SLC39A9: variants seen among roughly 807,000 people sequenced by gnomAD.
SLC39A9 encodes the protein zinc transporter ZIP9.
A neutral mutation model predicts 28.4 loss-of-function variants in SLC39A9; 14 were observed. The observed-to-expected ratio is 0.49, with a 90% CI of 0.33 to 0.77. The LOEUF is 0.77. SLC39A9 is among the 30% of genes least tolerant of loss of function. The pLI is 0.02. For synonymous variants in SLC39A9, 119 were observed against 149.6 expected (o/e 0.80, Z 1.49); for missense variants, 283 against 381.1 (o/e 0.74, Z 2.14).
chr14:69,432,660 C>T (rs562614164), intron 2 of SLC39A9, among the ~76,000 whole-genome samples: 1 of 152,214 alleles, frequency 6.6e-6, no homozygotes, highest in East Asian at 1.9e-4. Flanking sequence ...AGGTTTTCTT[C>T]TAGGATTCTT....
At chr14:69,420,031 C>T (rs547636910) in intron 1 of SLC39A9, among the ~76,000 whole-genome samples, 1 of 152,262 alleles carries the variant, frequency 6.6e-6, no homozygotes, top group African/African-American at 2.4e-5. Flanking sequence ...TGAATTTGAT[C>T]CTGTCATTAT....
intron 1 of SLC39A9, among the ~76,000 whole-genome samples, chr14:69,401,883 CTAGGAACTAAACATAT>C (rs770219392): frequency 1.1e-4 from 17 of 152,110 alleles, no homozygotes; most frequent in Non-Finnish European, 2.2e-4. Flanking sequence ...TTTCTATCTC[CTAGGAACTAAACATAT>C]TTTCTAGGTA....
At chr14:69,413,760 A>G (rs78219147) in intron 1 of SLC39A9, among the ~76,000 whole-genome samples, 1 of 152,246 alleles carries the variant, frequency 6.6e-6, no homozygotes, top group Admixed American at 6.5e-5. Flanking sequence ...GTATTATGCT[A>G]TGCAGTGAGC....
At chr14:69,431,850 A>G (rs1181180475) in intron 2 of SLC39A9, among the ~76,000 whole-genome samples, 1 of 152,152 alleles carries the variant, frequency 6.6e-6, no homozygotes, top group Non-Finnish European at 1.5e-5. Flanking sequence ...ACTTAGGATA[A>G]TAGCATCCAG....
chr14:69,433,062 C>T lies in SLC39A9; in HGVS notation c.205+8860C>T, dbSNP rs1594930246. Among the ~76,000 whole-genome samples the T allele has an allele frequency of 3.9e-5, 6 of 152,038 alleles. No homozygotes were observed. In the South Asian group the frequency reaches 1.2e-3, roughly 32 times the overall value. The stretch of plus-strand genomic sequence containing the variant: ...AATTTTAGAATAGTTTTTTTTAGTT[C>T]TGTAAAAAATGATGTTGGTAGTTTG... On this transcript the variant is annotated intron_variant, in intron 2 of 6. Transcript: ENST00000336643.
rs148631512 is a variant in SLC39A9 at position 69,417,455 on chromosome 14, A to G, written c.97-6639A>G. ...TGCTTAGGATTGTCTTGGCAATGCG[A>G]CCTGTTTTTTGGTTCTATATGAACT... is the stretch of plus-strand genomic sequence containing the variant. On this transcript the variant is annotated intron_variant, in intron 1 of 6. Transcript: ENST00000336643. Among the ~76,000 whole-genome samples, 447 of 152,190 alleles carry G rather than the reference A, an allele frequency of 2.9e-3. 3 individuals carry two copies. Among genetic ancestry groups the G allele is most frequent in the African/African-American group, 0.01 (435 of 41,544 alleles).
intron 1 of SLC39A9, among the ~76,000 whole-genome samples, chr14:69,403,243 T>C (rs1476544820): frequency 6.6e-6 from 1 of 152,248 alleles, no homozygotes; most frequent in Non-Finnish European, 1.5e-5. Context: ...TAGTTTTCTT[T>C]GGCTCTAAAT....
At chr14:69,404,829 CTTTCGTGT>C (rs1882827291) in intron 1 of SLC39A9, among the ~76,000 whole-genome samples, 1 of 152,056 alleles carries the variant, frequency 6.6e-6, no homozygotes. Context: ...TTGTTTTGTT[CTTTCGTGT>C]TTTAAAGTTT....
At chr14:69,457,799 A>T (rs1885937734) in intron 6 of SLC39A9, among the ~76,000 whole-genome samples, 1 of 152,130 alleles carries the variant, frequency 6.6e-6, no homozygotes, top group African/African-American at 2.4e-5. Flanking sequence ...AGACAGGAGG[A>T]TTGCTTGAGC....
chr14:69,444,803 A>G lies in SLC39A9; in HGVS notation c.403+2537A>G, dbSNP rs138802534. Among the ~76,000 whole-genome samples, 1,167 of 152,278 alleles carry G rather than the reference A, an allele frequency of 7.7e-3. 60 individuals carry two copies. The highest frequency in any genetic ancestry group is 0.072 in the Admixed American group (1,108 of 15,290). On this transcript the variant is annotated intron_variant, in intron 3 of 6. Coordinates refer to ENST00000336643, the MANE Select transcript of SLC39A9 (RefSeq NM_018375.5). ...ACATAATGGAGTACTATGTAGCTGTAGAAAAGAATAAAGATTCAGGCAGAG... is the reference window on the plus strand; with the variant it reads ...ACATAATGGAGTACTATGTAGCTGTGGAAAAGAATAAAGATTCAGGCAGAG...
chr14:69,425,413 T>C (rs1327950988), intron 2 of SLC39A9, among the ~76,000 whole-genome samples: 2 of 152,188 alleles, frequency 1.3e-5, no homozygotes, highest in Admixed American at 6.5e-5. Flanking sequence ...AGTTGTTTTC[T>C]AAAGTTGTCT....
chr14:69,414,776 A>G (rs961641865), intron 1 of SLC39A9, among the ~76,000 whole-genome samples: 2 of 152,248 alleles, frequency 1.3e-5, no homozygotes, highest in Non-Finnish European at 2.9e-5. Flanking sequence ...GCCACTTTCC[A>G]GTGAATCCCC....
intron 3 of SLC39A9, 143 bp downstream of exon 3, chr14:69,442,409 T>C (rs1294153701): frequency 1.3e-6 from 1 of 771,644 alleles, no homozygotes; most frequent in Non-Finnish European, 2.1e-6. Flanking sequence ...AACATTTAAC[T>C]AAGTGGGGAG....
intron 6 of SLC39A9, among the ~76,000 whole-genome samples, chr14:69,456,644 C>T (rs1033212693): frequency 6.6e-6 from 1 of 152,210 alleles, no homozygotes; most frequent in Non-Finnish European, 1.5e-5. Flanking sequence ...TGAGCAACAA[C>T]CCTCCGCATT....
intron 2 of SLC39A9, among the ~76,000 whole-genome samples, chr14:69,440,311 C>T (rs1422885583): frequency 5.9e-5 from 9 of 151,934 alleles, no homozygotes; most frequent in Non-Finnish European, 8.8e-5. Flanking sequence ...GTGTCAGGCA[C>T]GGTGGCTCAA....
intron 1 of SLC39A9, among the ~76,000 whole-genome samples, chr14:69,400,547 A>G (rs1488605354): frequency 6.6e-6 from 1 of 152,252 alleles, no homozygotes; most frequent in Non-Finnish European, 1.5e-5. Flanking sequence ...CAGCAGTAAA[A>G]TAGGCCCTAG....
intron 1 of SLC39A9, among the ~76,000 whole-genome samples, chr14:69,415,190 T>C (rs543443192): frequency 5.6e-4 from 86 of 152,356 alleles, no homozygotes; most frequent in African/African-American, 2.0e-3. Context: ...CTAGTTTAAC[T>C]TTATAAGGGA....
chr14:69,421,813 G>A (rs759074508), intron 1 of SLC39A9, among the ~76,000 whole-genome samples: 1 of 152,200 alleles, frequency 6.6e-6, no homozygotes, highest in Non-Finnish European at 1.5e-5. Flanking sequence ...GCTAAGCAAG[G>A]AGCGGGATAT....
chr14:69,410,128 T>C (rs987517910), intron 1 of SLC39A9, among the ~76,000 whole-genome samples: 1 of 152,218 alleles, frequency 6.6e-6, no homozygotes, highest in Non-Finnish European at 1.5e-5. Context: ...CTTTTATGTT[T>C]AGAAAGGAAT....
Sources: gnomAD v4.1 joint callset for allele counts (sites outside exome capture counted in the v4.1 genomes callset) on GRCh38, gnomAD v4.1.1 for gene constraint, MANE v1.5 for transcripts, NCBI Gene and HGNC (gene_info 2026-07-23, HGNC 2026-07-21) for gene names.